PANX3: variants seen among roughly 807,000 people sequenced by gnomAD.
PANX3 encodes pannexin 3.
In PANX3, 18 loss-of-function variants were observed where a neutral mutation model predicts 31.5. That is an observed-to-expected ratio of 0.57 (90% CI 0.39 to 0.85). PANX3 has a LOEUF of 0.85. Among genes scored for constraint, PANX3 ranks in the 40% least tolerant of loss-of-function variants. The probability of loss-of-function intolerance (pLI) is 0.00; values close to 1 mark genes in which losing one functional copy is unlikely to be tolerated. For missense variants in PANX3, 426 were observed against 485.4 expected, an observed-to-expected ratio of 0.88 and a Z score of 1.15; for synonymous variants, 194 against 201.6, an observed-to-expected ratio of 0.96 and a Z score of 0.32.
chr11:124,617,623 ACTTT>A (rs1863169485), intron 3 of PANX3, 135 bp downstream of exon 3: 1 of 809,666 alleles, frequency 1.2e-6, no homozygotes, highest in Non-Finnish European at 2.0e-6. Flanking sequence ...CATCTCATTA[ACTTT>A]CTATTGTTTC....
chr11:124,611,513 AGGACCCCT>A lies in PANX3; in HGVS notation c.-42_-35del, dbSNP rs1365577792. 1 of 1,555,116 alleles carries A rather than the reference AGGACCCCT, an allele frequency of 6.4e-7. No individual in the cohort carries two copies. The highest frequency in any genetic ancestry group is 1.8e-5 in the Admixed American group (1 of 55,676). ...TGCCGTCTCCTCATTCCACCATCCC[AGGACCCCT>A]GCTGCCACCTCTGCACCCCCAAGCT... is the stretch of plus-strand genomic sequence containing the variant. On this transcript the variant is annotated 5_prime_UTR_variant, in exon 1 of 4. Transcript: ENST00000284288.
rs2134309653 is a variant in PANX3 at position 124,613,140 on chromosome 11, T to C, written c.324+18T>C. ...CCCACAAGGTAAAGCAAACTCTCTG[T>C]AAGGCCAGCTTCACGGCTGAGTGGA... On this transcript the variant is annotated intron_variant, in intron 2 of 3. Transcript: ENST00000284288. The C allele has an allele frequency of 1.2e-6, 2 of 1,610,262 alleles. No homozygotes were observed. The highest frequency in any genetic ancestry group is 1.1e-5 in the South Asian group (1 of 90,950).
intron 1 of PANX3, among the ~76,000 whole-genome samples, chr11:124,612,205 A>T (rs1385346280): frequency 1.3e-5 from 2 of 152,150 alleles, no homozygotes; most frequent in Non-Finnish European, 2.9e-5. Context: ...TAAGTGCCTG[A>T]GGGCCATGCA....
chr11:124,614,081 G>A (rs1489644377), intron 2 of PANX3, among the ~76,000 whole-genome samples: 1 of 144,956 alleles, frequency 6.9e-6, no homozygotes, highest in Admixed American at 7.1e-5. Flanking sequence ...AATTGCCACA[G>A]TTCTAGGACT....
At chr11:124,612,381 GC>G (rs1177670635) in intron 1 of PANX3, among the ~76,000 whole-genome samples, 3 of 152,190 alleles carry the variant, frequency 2.0e-5, no homozygotes, top group Admixed American at 6.5e-5. Flanking sequence ...GAGACTTCTG[GC>G]TTTCCTTTCT....
At position 124,613,561 on chromosome 11, in the gene PANX3, CCT is replaced by C. The variant is rs373374483; in HGVS notation, c.324+440_324+441del. 5.0e-4 allele frequency among the ~76,000 whole-genome samples: 76 copies of C among 152,270 alleles called. No individual in the cohort carries two copies. In the East Asian group the frequency reaches 0.011, roughly 23 times the overall value. On this transcript the variant is annotated intron_variant, in intron 2 of 3. Transcript: ENST00000284288. Reference sequence around the variant, plus strand: ...ATTCAGAGTTCACTCAGCTGCTCCCCCTGTCCCAGCACGGCTCCCCTGCCTCA... The same window carrying C: ...ATTCAGAGTTCACTCAGCTGCTCCCCGTCCCAGCACGGCTCCCCTGCCTCA...
Position 124,619,521 on chromosome 11 carries a change from C to T in PANX3, c.765C>T (p.Val255=), listed in dbSNP as rs1863192058. The T allele has an allele frequency of 6.2e-7, 1 of 1,614,180 alleles. No individual in the cohort carries two copies. Among genetic ancestry groups the T allele is most frequent in the African/African-American group, 1.3e-5 (1 of 75,052 alleles). ...KTGLLSDETH[V]PNLITCRLTS... is the part of the protein sequence containing the mutation. Reference sequence around the variant, plus strand: ...GGCTGCTAAGTGATGAGACCCATGTCCCCAATCTGATCACATGCAGGCTGA... The same window carrying T: ...GGCTGCTAAGTGATGAGACCCATGTTCCCAATCTGATCACATGCAGGCTGA... Residue 255 remains valine (V), a synonymous_variant, in exon 4 of 4, where the codon GTC becomes GTT. Coordinates refer to ENST00000284288, the MANE Select transcript of PANX3 (RefSeq NM_052959.3).
intron 2 of PANX3, among the ~76,000 whole-genome samples, chr11:124,613,475 G>A (rs1863117963): frequency 6.6e-6 from 1 of 152,082 alleles, no homozygotes; most frequent in Non-Finnish European, 1.5e-5. Flanking sequence ...GGGAGGGGCG[G>A]GGTGCAGTTG....
chr11:124,617,992 G>T (rs1863172886), intron 3 of PANX3, among the ~76,000 whole-genome samples: 1 of 152,244 alleles, frequency 6.6e-6, no homozygotes, highest in Non-Finnish European at 1.5e-5. Context: ...TCACTTGTAT[G>T]TGTTGGGGGA....
intron 3 of PANX3, 119 bp downstream of exon 3, chr11:124,617,607 A>G (rs1454252384): frequency 1.1e-6 from 1 of 921,432 alleles, no homozygotes; most frequent in East Asian, 2.5e-5. Context: ...AAAGTGCTTA[A>G]CACATCATCT....
intron 2 of PANX3, among the ~76,000 whole-genome samples, chr11:124,615,161 C>T (rs986988652): frequency 2.0e-5 from 3 of 152,134 alleles, no homozygotes; most frequent in African/African-American, 7.2e-5. Context: ...TGGCTCACTG[C>T]AACCTCCGCC....
intron 3 of PANX3, among the ~76,000 whole-genome samples, chr11:124,617,838 C>G (rs1863171640): frequency 6.6e-6 from 1 of 152,234 alleles, no homozygotes; most frequent in Non-Finnish European, 1.5e-5. Flanking sequence ...TCACCATCTA[C>G]TTTTTCAAAA....
chr11:124,611,632 A>C lies in PANX3; in HGVS notation c.76A>C (p.Lys26Gln). ...GCCTGACCGCAGGGGACCCCGCCTC[A>C]AAGGACTGCGTCTGGAACTGCCCCT... ...LLPDRRGPRL[K>Q]GLRLELPLDR... Residue 26 changes from lysine (K) to glutamine (Q), a missense_variant, in exon 1 of 4, where the codon AAA becomes CAA. Lys to Gln is a moderately conservative substitution (Grantham distance 53). Transcript: ENST00000284288. The C allele has an allele frequency of 1.2e-6, 2 of 1,614,164 alleles. No homozygotes were observed. Among genetic ancestry groups the C allele is most frequent in the Non-Finnish European group, 1.7e-6 (2 of 1,180,014 alleles).
At position 124,619,679 on chromosome 11, in the gene PANX3, T is replaced by C. The variant is rs1382608553; in HGVS notation, c.923T>C (p.Leu308Pro). ...CGACTTTTATCTGTCTATGAGATGC[T>C]CCCAGCTTTTGATCTCCTCAGCAGA... ...DKRLLSVYEM[L>P]PAFDLLSRKM... The change falls in exon 4 of 4, where the codon CTC (leucine) becomes CCC (proline). Residue 308 changes from leucine to proline, a missense_variant. Leu to Pro is a moderately conservative substitution (Grantham distance 98). Coordinates refer to ENST00000284288, the MANE Select transcript of PANX3 (RefSeq NM_052959.3). 1.2e-6 allele frequency: 2 copies of C among 1,614,098 alleles called. No homozygotes were observed.
chr11:124,617,592 A>G (rs1346855142), intron 3 of PANX3, 104 bp downstream of exon 3: 28 of 1,134,546 alleles, frequency 2.5e-5, no homozygotes, highest in Non-Finnish European at 3.6e-5. Context: ...CCTTCTCAAG[A>G]AGGCAAAGTG....
rs1348608199 is a variant in PANX3 at position 124,616,961 on chromosome 11, C to CTCTCTCTCTCTCTCCTTAT, written c.325-280_325-262dup. ...CCTTCCCCTCTCCTTCCCACCTCTC[C>CTCTCTCTCTCTCTCCTTAT]TCTCTCTCTCTCTCCTTATTCTCTC... On this transcript the variant is annotated intron_variant, in intron 2 of 3. Coordinates refer to ENST00000284288, the MANE Select transcript of PANX3 (RefSeq NM_052959.3). The surrounding 1 kb of genome is among the most constrained non-coding windows in gnomAD (Gnocchi z 4.8). Among the ~76,000 whole-genome samples, 7 of 150,324 alleles carry CTCTCTCTCTCTCTCCTTAT rather than the reference C, an allele frequency of 4.7e-5. No homozygotes were observed. The highest frequency in any genetic ancestry group is 1.3e-4 in the Admixed American group (2 of 15,088).
chr11:124,613,219 T>C (rs1053667982), intron 2 of PANX3, 97 bp downstream of exon 2: 9 of 1,386,468 alleles, frequency 6.5e-6, no homozygotes, highest in South Asian at 4.6e-5. Flanking sequence ...CCACCACCCC[T>C]AACCCATTTA....
chr11:124,617,296 C>T lies in PANX3; in HGVS notation c.347C>T (p.Ala116Val). The stretch of plus-strand genomic sequence containing the variant: ...CAGGCCCTCCCCTACTCCCTGCTGG[C>T]CCTGGCCTTGCTCATGTACCTGCCG... Reference protein sequence around the residue: ...PHKALPYSLLALALLMYLPVL... With the variant: ...PHKALPYSLLVLALLMYLPVL... The change falls in exon 3 of 4, where the codon GCC becomes GTC. Residue 116 changes from alanine (A) to valine (V), a missense_variant. By Grantham distance (64) the Ala-to-Val change is moderately conservative. Transcript: ENST00000284288. The T allele has an allele frequency of 6.2e-7, 1 of 1,607,678 alleles. No homozygotes were observed. Among genetic ancestry groups the T allele is most frequent in the Admixed American group, 1.7e-5 (1 of 60,020 alleles).
intron 1 of PANX3, among the ~76,000 whole-genome samples, 181 bp from the exon 2 acceptor site, chr11:124,612,799 G>T (rs1245697400): frequency 6.6e-6 from 1 of 152,190 alleles, no homozygotes; most frequent in African/African-American, 2.4e-5. Context: ...CATACAGTGG[G>T]ATGCGTCCAG....
Sources: gnomAD v4.1 joint callset for allele counts (sites outside exome capture counted in the v4.1 genomes callset) on GRCh38, gnomAD v4.1.1 for gene constraint, Gnocchi (gnomAD v3.1) non-coding constraint, MANE v1.5 for transcripts, NCBI Gene and HGNC (gene_info 2026-07-23, HGNC 2026-07-21) for gene names.